CHODL: variants seen among roughly 807,000 people sequenced by gnomAD.
CHODL encodes chondrolectin.
A neutral mutation model predicts 34.5 loss-of-function variants in CHODL; 29 were observed. The observed-to-expected ratio is 0.84, with a 90% confidence interval of 0.63 to 1.15. The LOEUF (loss-of-function observed/expected upper bound fraction) is 1.15. Among genes scored for constraint, CHODL ranks in the 50% most tolerant of loss-of-function variants. The probability of loss-of-function intolerance (pLI) is 0.00; values close to 1 mark genes in which losing one functional copy is unlikely to be tolerated. For missense variants in CHODL, 332 were observed against 332.5 expected (o/e 1.00, Z 0.01); for synonymous variants, 125 against 116.1 (o/e 1.08, Z -0.49).
intron 1 of CHODL, among the ~76,000 whole-genome samples, chr21:18,017,635 G>A (rs1447700065): frequency 1.3e-5 from 2 of 152,166 alleles, no homozygotes; most frequent in Admixed American, 6.5e-5. Context: ...GTTTTCAGGC[G>A]GAAGCTTGTT....
intron 2 of CHODL, among the ~76,000 whole-genome samples, chr21:18,231,471 A>G (rs1437992208): frequency 6.6e-6 from 1 of 152,080 alleles, no homozygotes; most frequent in Admixed American, 6.6e-5. Context: ...TTAAAGCCTG[A>G]AGCCTTTCCA....
intron 1 of CHODL, among the ~76,000 whole-genome samples, chr21:17,956,457 T>C (rs912729301): frequency 7.3e-6 from 1 of 137,134 alleles, no homozygotes; most frequent in African/African-American, 2.5e-5. Flanking sequence ...GTCTCAGATA[T>C]TTCTTTATTG....
Position 18,041,864 on chromosome 21 carries a change from A to G in CHODL, c.-45+13893A>G, listed in dbSNP as rs146309200. 3.6e-3 allele frequency among the ~76,000 whole-genome samples: 541 copies of G among 152,052 alleles called. 3 individuals carry two copies. Among genetic ancestry groups the G allele is most frequent in the African/African-American group, 0.012 (519 of 41,544 alleles). ...AAATTTTATGGCTTTTATATGTGCT[A>G]AAGGGAGCCAAATTCAAATTGATCC... On this transcript the variant is annotated intron_variant, in intron 2 of 6. Coordinates refer to the CHODL transcript ENST00000400127.
At chr21:17,998,640 G>T (rs1045681358) in intron 1 of CHODL, among the ~76,000 whole-genome samples, 1 of 152,220 alleles carries the variant, frequency 6.6e-6, no homozygotes, top group African/African-American at 2.4e-5. Flanking sequence ...TGCACCCACA[G>T]GCTCAACACT....
chr21:18,083,580 C>T (rs553025654), intron 2 of CHODL, among the ~76,000 whole-genome samples: 2 of 152,316 alleles, frequency 1.3e-5, no homozygotes, highest in South Asian at 2.1e-4. Context: ...ACTGAAAAGC[C>T]ACATGCGCAG....
At chr21:18,175,924 G>GA (rs2073304309) in intron 2 of CHODL, among the ~76,000 whole-genome samples, 1 of 152,180 alleles carries the variant, frequency 6.6e-6, no homozygotes, top group Non-Finnish European at 1.5e-5. Context: ...TGGCAATGGA[G>GA]AAAACAAACC....
At chr21:17,980,939 CT>C (rs1294938223) in intron 1 of CHODL, among the ~76,000 whole-genome samples, 1 of 152,172 alleles carries the variant, frequency 6.6e-6, no homozygotes, top group Non-Finnish European at 1.5e-5. Flanking sequence ...AGCTCCATCC[CT>C]TGTTAATACC....
At chr21:18,229,061 G>A (rs1354048841) in intron 2 of CHODL, among the ~76,000 whole-genome samples, 1 of 152,074 alleles carries the variant, frequency 6.6e-6, no homozygotes, top group African/African-American at 2.4e-5. Flanking sequence ...TAGCTTCTTG[G>A]ATGTTGTAGG....
At chr21:18,135,865 T>C (rs1735285) in intron 2 of CHODL, among the ~76,000 whole-genome samples, 103,077 of 151,858 alleles carry the variant, frequency 0.68, 35,651 homozygotes, top group Non-Finnish European at 0.76. Flanking sequence ...TTTCAGCACT[T>C]TGGGAGGCCA....
chr21:18,006,687 C>T (rs183458621), intron 1 of CHODL, among the ~76,000 whole-genome samples: 16 of 152,320 alleles, frequency 1.1e-4, no homozygotes, highest in South Asian at 4.1e-4. Flanking sequence ...TACCCCTAGA[C>T]CATCTCACTA....
intron 2 of CHODL, among the ~76,000 whole-genome samples, chr21:18,200,080 G>C (rs546598524): frequency 1.3e-5 from 2 of 152,078 alleles, no homozygotes; most frequent in Non-Finnish European, 2.9e-5. Flanking sequence ...AGCAATGAAT[G>C]ATAGTTCTAT....
At chr21:18,109,346 T>C (rs1491784) in intron 2 of CHODL, among the ~76,000 whole-genome samples, 116,990 of 151,844 alleles carry the variant, frequency 0.77, 46,300 homozygotes, top group Middle Eastern at 0.87. Context: ...ATATATGATG[T>C]AGGTTTGGAC....
intron 2 of CHODL, among the ~76,000 whole-genome samples, chr21:18,092,921 T>C (rs1419734163): frequency 6.6e-6 from 1 of 152,138 alleles, no homozygotes; most frequent in Admixed American, 6.5e-5. Flanking sequence ...GGGAAATTTA[T>C]TCAAAGGGAT....
chr21:18,001,692 T>A (rs895807338), intron 1 of CHODL, among the ~76,000 whole-genome samples: 7 of 152,058 alleles, frequency 4.6e-5, no homozygotes, highest in Non-Finnish European at 1.0e-4. Context: ...ATTACATTGT[T>A]ACATGTTGCT....
intron 2 of CHODL, among the ~76,000 whole-genome samples, chr21:18,165,193 A>G (rs1309566450): frequency 1.3e-5 from 2 of 152,222 alleles, no homozygotes; most frequent in Non-Finnish European, 2.9e-5. Flanking sequence ...TGGGAGAAAC[A>G]AGTCTACTCT....
In CHODL at chr21:18,267,323, G is replaced by T. The variant is rs748772996; in HGVS notation, c.*1285G>T. 6.6e-6 allele frequency: 1 copy of T among 152,294 alleles called. No homozygotes were observed. Among genetic ancestry groups the T allele is most frequent in the South Asian group, 2.1e-4 (1 of 4,826 alleles). 9.4% of individuals were successfully genotyped at this position (152,294 alleles called of 1,614,324 possible). A position where few individuals can be genotyped will look rare whatever the true frequency, so the allele number is the denominator to read the frequency against. On this transcript the variant is annotated 3_prime_UTR_variant, in exon 6 of 6. Coordinates refer to ENST00000299295, the MANE Select transcript of CHODL (RefSeq NM_024944.3). ...AGTTGTAACTCTCTGGTCTTCATAT[G>T]TCCCTGTGCTCCTTTTAACCAAATA...
rs1568922980 is a variant in CHODL at position 18,174,098 on chromosome 21, G to GAGATATATATATATATCTTGGTATAT, written c.-44-82410_-44-82409insGATATATATATATATCTTGGTATATA. Among the ~76,000 whole-genome samples, 622 of 94,774 alleles carry GAGATATATATATATATCTTGGTATAT rather than the reference G, an allele frequency of 6.6e-3. 177 individuals are homozygous for GAGATATATATATATATCTTGGTATAT. The highest frequency in any genetic ancestry group is 0.013 in the Middle Eastern group (2 of 158). 62.2% of individuals were successfully genotyped at this position (94,774 alleles called of 152,430 possible). A position where few individuals can be genotyped will look rare whatever the true frequency, so the allele number is the denominator to read the frequency against. On this transcript the variant is annotated intron_variant, in intron 2 of 6. Transcript: ENST00000400127. ...GAGGTAGAAGGGGAAACAAATACAG[G>GAGATATATATATATATCTTGGTATAT]ATATATATATATATATATCTTGGTG...
intron 1 of CHODL, among the ~76,000 whole-genome samples, chr21:18,005,952 G>A (rs2063956830): frequency 6.6e-6 from 1 of 152,152 alleles, no homozygotes; most frequent in Non-Finnish European, 1.5e-5. Flanking sequence ...GTTTCATGGG[G>A]GGAACCCACG....
chr21:18,221,896 G>C (rs1049418080), intron 2 of CHODL, among the ~76,000 whole-genome samples: 5 of 152,206 alleles, frequency 3.3e-5, no homozygotes, highest in Non-Finnish European at 7.3e-5. Context: ...ATGTGCATGG[G>C]CACTGGTAGT....
Sources: allele counts gnomAD v4.1 joint callset (sites outside exome capture counted in the v4.1 genomes callset), GRCh38; gene constraint gnomAD v4.1.1; transcripts MANE v1.5; gene names NCBI Gene and HGNC (gene_info 2026-07-23, HGNC 2026-07-21).